The following RABGAP1L variants were observed in gnomAD, a reference collection of about 807,000 sequenced individuals.
RABGAP1L encodes rab GTPase-activating protein 1-like.
RABGAP1L carries 63 observed loss-of-function variants against 137.7 expected under a neutral mutation model. The ratio of observed to expected loss-of-function variants is 0.46; its 90% confidence interval spans 0.37 to 0.56. RABGAP1L has a LOEUF of 0.56. RABGAP1L is among the 20% of genes least tolerant of loss of function. The pLI is 0.00. For missense variants in RABGAP1L, 1,095 were observed against 1,244.0 expected (o/e 0.88, Z 1.80); for synonymous variants, 431 against 433.7 (o/e 0.99, Z 0.08).
At chr1:174,228,877 A>G (rs1670400774) in intron 3 of RABGAP1L, among the ~76,000 whole-genome samples, 1 of 152,152 alleles carries the variant, frequency 6.6e-6, no homozygotes, top group South Asian at 2.1e-4. Flanking sequence ...GAATGTAGGT[A>G]ACAGCGGGGA....
chr1:174,865,865 A>G (rs544625847), intron 19 of RABGAP1L, among the ~76,000 whole-genome samples: 2 of 152,186 alleles, frequency 1.3e-5, no homozygotes, highest in Non-Finnish European at 2.9e-5. Flanking sequence ...TTATTTATAA[A>G]CTGCAATCTG....
chr1:174,956,344 T>C (rs1668521944), intron 19 of RABGAP1L, among the ~76,000 whole-genome samples: 1 of 152,122 alleles, frequency 6.6e-6, no homozygotes, highest in South Asian at 2.1e-4. Context: ...ACTATAGATG[T>C]GCACCACTGT....
chr1:174,931,982 CTTTTTTGGTTTTT>C (rs1663872954), intron 19 of RABGAP1L, among the ~76,000 whole-genome samples: 1 of 91,922 alleles, frequency 1.1e-5, no homozygotes, highest in Non-Finnish European at 2.2e-5. Context: ...CTTTAGACTG[CTTTTTTGGTTTTT>C]TTTTTTTTTT....
At chr1:174,985,641 A>G (rs543115073) in intron 24 of RABGAP1L, among the ~76,000 whole-genome samples, 28 of 152,154 alleles carry the variant, frequency 1.8e-4, no homozygotes, top group Non-Finnish European at 3.5e-4. Flanking sequence ...TTCTTTTGTC[A>G]TGATCACCCC....
chr1:174,867,752 T>C (rs2149043686), intron 19 of RABGAP1L, among the ~76,000 whole-genome samples: 1 of 152,262 alleles, frequency 6.6e-6, no homozygotes, highest in African/African-American at 2.4e-5. Flanking sequence ...TTCAAGCAAT[T>C]CTCCTGCCTT....
At chr1:174,388,549 C>A (rs956456902) in intron 12 of RABGAP1L, among the ~76,000 whole-genome samples, 2 of 151,782 alleles carry the variant, frequency 1.3e-5, no homozygotes, top group African/African-American at 4.8e-5. Context: ...CAAAACTAAA[C>A]GTGGTAGCAA....
At chr1:174,895,150 G>A (rs566030900) in intron 19 of RABGAP1L, among the ~76,000 whole-genome samples, 2 of 152,288 alleles carry the variant, frequency 1.3e-5, no homozygotes, top group Admixed American at 6.5e-5. Flanking sequence ...ACTAAAATTG[G>A]TCAAATAAGT....
At chr1:174,902,024 A>G (rs1408899518) in intron 19 of RABGAP1L, among the ~76,000 whole-genome samples, 2 of 152,146 alleles carry the variant, frequency 1.3e-5, no homozygotes, top group East Asian at 3.9e-4. Flanking sequence ...GTGTAGGCTG[A>G]GAAAAAGCAA....
intron 18 of RABGAP1L, among the ~76,000 whole-genome samples, chr1:174,782,256 C>T (rs897977976): frequency 9.2e-5 from 14 of 152,182 alleles, no homozygotes; most frequent in Non-Finnish European, 1.8e-4. Flanking sequence ...CAGTGGTTTG[C>T]AGTTCTCCTT....
chr1:174,785,837 A>C (rs1205220551), intron 18 of RABGAP1L, among the ~76,000 whole-genome samples: 1 of 152,200 alleles, frequency 6.6e-6, no homozygotes, highest in Non-Finnish European at 1.5e-5. Flanking sequence ...CTTATATATT[A>C]GACTTTTAGT....
Position 174,462,827 on chromosome 1 carries a change from C to G in RABGAP1L, c.1710+68682C>G, listed in dbSNP as rs1443092284. Among the ~76,000 whole-genome samples the G allele has an allele frequency of 3.3e-5, 5 of 152,100 alleles. No individual in the cohort carries two copies. In the East Asian group the frequency reaches 7.7e-4, roughly 23 times the overall value. On this transcript the variant is annotated intron_variant, in intron 13 of 25. Coordinates refer to ENST00000681986, the MANE Select transcript of RABGAP1L (RefSeq NM_001366446.1). ...GTTAATTTGCTTAGGATAATGGCCT[C>G]TACCTACATCTGAGAACAGGAACAG...
chr1:174,331,865 C>T (rs1019011645), intron 11 of RABGAP1L, among the ~76,000 whole-genome samples: 8 of 147,724 alleles, frequency 5.4e-5, no homozygotes, highest in African/African-American at 2.0e-4. Flanking sequence ...TGTGATGTTC[C>T]CCTTCCTGTG....
At chr1:174,528,135 A>T (rs1466495130) in intron 13 of RABGAP1L, among the ~76,000 whole-genome samples, 2 of 151,068 alleles carry the variant, frequency 1.3e-5, no homozygotes, top group Non-Finnish European at 3.0e-5. Flanking sequence ...AGTTTAATTC[A>T]TTTATATTCT....
At chr1:174,911,258 GT>G (rs1660008696) in intron 19 of RABGAP1L, among the ~76,000 whole-genome samples, 1 of 152,046 alleles carries the variant, frequency 6.6e-6, no homozygotes, top group Non-Finnish European at 1.5e-5. Context: ...TCAAGAAAGT[GT>G]TTTTGTTAAA....
chr1:174,733,200 A>G (rs763229162), intron 17 of RABGAP1L, among the ~76,000 whole-genome samples: 12 of 152,164 alleles, frequency 7.9e-5, no homozygotes, highest in Non-Finnish European at 1.5e-4. Flanking sequence ...AAGGGAAATA[A>G]AATTTCTTTT....
At position 174,678,977 on chromosome 1, in the gene RABGAP1L, C is replaced by G. The variant is rs988724994; in HGVS notation, c.1825-4545C>G. Among the ~76,000 whole-genome samples, 14 of 152,274 alleles carry G rather than the reference C, an allele frequency of 9.2e-5. No homozygotes were observed. The East Asian group carries it at 2.7e-3, about 29-fold the overall frequency. ...GGCAAGCGAAAGCTCAGCTTGAGCC[C>G]TAACAAACACAGACCAGAAGAGTGT... On this transcript the variant is annotated intron_variant, in intron 14 of 25. Coordinates refer to ENST00000681986, the MANE Select transcript of RABGAP1L (RefSeq NM_001366446.1).
intron 13 of RABGAP1L, among the ~76,000 whole-genome samples, chr1:174,435,808 C>A (rs1653208755): frequency 6.6e-5 from 9 of 136,492 alleles, no homozygotes; most frequent in Admixed American, 6.5e-4. Flanking sequence ...CTCCCCTCTC[C>A]CCCGACACCA....
At chr1:174,809,543 A>G (rs1038683213) in intron 18 of RABGAP1L, among the ~76,000 whole-genome samples, 19 of 152,204 alleles carry the variant, frequency 1.2e-4, no homozygotes, top group African/African-American at 4.3e-4. Flanking sequence ...TTAGATAACT[A>G]TGCTACTGTC....
At chr1:174,897,930 G>C (rs1474179442) in intron 19 of RABGAP1L, 1 of 132,498 alleles carries the variant, frequency 7.5e-6, no homozygotes, top group Non-Finnish European at 1.5e-5. Flanking sequence ...CGTGAGCTGA[G>C]ATCACATCAC....
Sources: allele counts gnomAD v4.1 joint callset (sites outside exome capture counted in the v4.1 genomes callset), GRCh38; gene constraint gnomAD v4.1.1; transcripts MANE v1.5; gene names NCBI Gene and HGNC (gene_info 2026-07-23, HGNC 2026-07-21).